Variants in SEZ6L observed in about 807,000 individuals in gnomAD.
SEZ6L encodes seizure related 6 homolog like.
SEZ6L carries 37 observed loss-of-function variants against 106.2 expected under a neutral mutation model. That is an observed-to-expected ratio of 0.35 (90% CI 0.27 to 0.46). SEZ6L has a LOEUF of 0.46. Among genes scored for constraint, SEZ6L ranks in the 20% least tolerant of loss-of-function variants. The pLI is 1.00. For synonymous variants in SEZ6L, 541 were observed against 570.4 expected (o/e 0.95, Z 0.73); for missense variants, 1,172 against 1,332.8 (o/e 0.88, Z 1.88).
intron 13 of SEZ6L, among the ~76,000 whole-genome samples, chr22:26,372,445 G>A (rs750904604): frequency 1.3e-5 from 2 of 152,162 alleles, no homozygotes; most frequent in Non-Finnish European, 1.5e-5. Flanking sequence ...AGAGAAGTGT[G>A]CACTTAGTTA....
intron 1 of SEZ6L, among the ~76,000 whole-genome samples, chr22:26,259,814 C>T (rs2079941385): frequency 6.6e-6 from 1 of 152,180 alleles, no homozygotes; most frequent in Admixed American, 6.5e-5. Context: ...TCTCCCACAG[C>T]TCATAATTTC....
At chr22:26,357,185 T>G (rs1000532978) in intron 12 of SEZ6L, among the ~76,000 whole-genome samples, 2 of 152,130 alleles carry the variant, frequency 1.3e-5, no homozygotes, top group Non-Finnish European at 2.9e-5. Flanking sequence ...GACCTTGTGA[T>G]CCACCCGCCT....
At chr22:26,207,817 A>C (rs1941353091) in intron 1 of SEZ6L, among the ~76,000 whole-genome samples, 1 of 151,930 alleles carries the variant, frequency 6.6e-6, no homozygotes, top group African/African-American at 2.4e-5. Flanking sequence ...CTCATCCACC[A>C]TCCTTTATGC....
At chr22:26,324,145 A>G (rs2082241180) in intron 9 of SEZ6L, among the ~76,000 whole-genome samples, 1 of 151,794 alleles carries the variant, frequency 6.6e-6, no homozygotes, top group South Asian at 2.1e-4. Context: ...GCTCCACATG[A>G]GAGAAATTCC....
chr22:26,297,399 G>A (rs1448576708), intron 4 of SEZ6L, among the ~76,000 whole-genome samples: 2 of 152,110 alleles, frequency 1.3e-5, no homozygotes, highest in South Asian at 2.1e-4. Flanking sequence ...AGGAGCATAA[G>A]AAATAGGTTG....
rs1429133863 is a variant in SEZ6L at position 26,351,333 on chromosome 22, CCTT to C, written c.2599+93_2599+95del. 8 of 1,252,312 alleles carry C rather than the reference CCTT, an allele frequency of 6.4e-6. No homozygotes were observed. The East Asian group carries it at 1.6e-4, about 26-fold the overall frequency. 77.6% of individuals were successfully genotyped at this position (1,252,312 alleles called of 1,614,324 possible). On this transcript the variant is annotated intron_variant, in intron 12 of 16. Coordinates refer to ENST00000248933, the MANE Select transcript of SEZ6L (RefSeq NM_021115.5). The stretch of plus-strand genomic sequence containing the variant: ...GATGGAAGGCTGGGCTGCTAGGAGG[CCTT>C]CTGCTTTTCGACAGGGGCTTTTATT...
intron 1 of SEZ6L, among the ~76,000 whole-genome samples, chr22:26,246,220 T>A (rs2079337247): frequency 6.6e-6 from 1 of 152,154 alleles, no homozygotes; most frequent in Admixed American, 6.5e-5. Context: ...GATCCTAAAT[T>A]CAATTGAGAA....
At chr22:26,275,697 C>G (rs983273291) in intron 1 of SEZ6L, among the ~76,000 whole-genome samples, 3 of 152,120 alleles carry the variant, frequency 2.0e-5, no homozygotes, top group Non-Finnish European at 4.4e-5. Context: ...CCCCCACCTC[C>G]TAGGTGCCTT....
chr22:26,359,711 G>A (rs914700298), intron 12 of SEZ6L, among the ~76,000 whole-genome samples: 1 of 152,110 alleles, frequency 6.6e-6, no homozygotes, highest in Non-Finnish European at 1.5e-5. Flanking sequence ...AGGCTAAGGT[G>A]GGAGGATCTC....
intron 1 of SEZ6L, among the ~76,000 whole-genome samples, chr22:26,212,894 AC>A (rs1256782941): frequency 6.6e-6 from 1 of 152,136 alleles, no homozygotes; most frequent in Non-Finnish European, 1.5e-5. Flanking sequence ...GAGAGGATGG[AC>A]CTCAGCCTTG....
intron 1 of SEZ6L, among the ~76,000 whole-genome samples, chr22:26,180,719 G>A (rs532385663): frequency 6.6e-6 from 1 of 152,272 alleles, no homozygotes; most frequent in South Asian, 2.1e-4. Context: ...ATGAAGAGAA[G>A]CCTCAAGGTG....
intron 12 of SEZ6L, among the ~76,000 whole-genome samples, chr22:26,359,281 T>A (rs1568941506): frequency 6.6e-6 from 1 of 152,074 alleles, no homozygotes; most frequent in Non-Finnish European, 1.5e-5. Flanking sequence ...AGCTAGAGAA[T>A]CCTCAGCTCA....
chr22:26,330,626 C>A (rs1379948717), intron 9 of SEZ6L, among the ~76,000 whole-genome samples: 1 of 152,076 alleles, frequency 6.6e-6, no homozygotes, highest in South Asian at 2.1e-4. Flanking sequence ...GGGCTGAGAC[C>A]CAGCTGTGGA....
chr22:26,370,973 C>T (rs1028348826), intron 13 of SEZ6L, among the ~76,000 whole-genome samples: 5 of 141,486 alleles, frequency 3.5e-5, no homozygotes, highest in African/African-American at 1.1e-4. Context: ...CATTGCACTC[C>T]AGCCTGGGAA....
intron 3 of SEZ6L, among the ~76,000 whole-genome samples, chr22:26,296,133 C>G (rs148577116): frequency 6.6e-6 from 1 of 152,156 alleles, no homozygotes; most frequent in Non-Finnish European, 1.5e-5. Flanking sequence ...CACACACACG[C>G]GCACATACCA....
At chr22:26,360,476 A>G (rs1438058602) in intron 12 of SEZ6L, among the ~76,000 whole-genome samples, 1 of 152,220 alleles carries the variant, frequency 6.6e-6, no homozygotes, top group Non-Finnish European at 1.5e-5. Flanking sequence ...TGCCTGGCAC[A>G]CAGAAGGTGT....
intron 1 of SEZ6L, among the ~76,000 whole-genome samples, chr22:26,173,597 C>A (rs1394226711): frequency 6.6e-6 from 1 of 152,232 alleles, no homozygotes; most frequent in Non-Finnish European, 1.5e-5. Context: ...CCCTTTCATT[C>A]ATTCATTTGA....
At chr22:26,220,985 G>A (rs1452360591) in intron 1 of SEZ6L, among the ~76,000 whole-genome samples, 2 of 151,312 alleles carry the variant, frequency 1.3e-5, no homozygotes, top group African/African-American at 4.9e-5. Flanking sequence ...GAAGGAAGGT[G>A]GGAGGGAAGG....
At chr22:26,334,875 C>T (rs771748674) in intron 9 of SEZ6L, among the ~76,000 whole-genome samples, 5 of 152,148 alleles carry the variant, frequency 3.3e-5, no homozygotes, top group Non-Finnish European at 7.3e-5. Flanking sequence ...CTGCCACTCC[C>T]AGTCACAGTC....
Sources: allele counts gnomAD v4.1 joint callset (sites outside exome capture counted in the v4.1 genomes callset), GRCh38; gene constraint gnomAD v4.1.1; transcripts MANE v1.5; gene names NCBI Gene and HGNC (gene_info 2026-07-23, HGNC 2026-07-21).